The following PIK3CD variants were observed in gnomAD, a reference collection of about 807,000 sequenced individuals.
PIK3CD encodes phosphatidylinositol 4,5-bisphosphate 3-kinase catalytic subunit delta isoform.
In PIK3CD, 20 loss-of-function variants were observed where a neutral mutation model predicts 122.9. The ratio of observed to expected loss-of-function variants is 0.16; its 90% CI spans 0.11 to 0.24. The LOEUF (loss-of-function observed/expected upper bound fraction) is 0.24. PIK3CD is among the 10% of genes least tolerant of loss of function. PIK3CD has a pLI of 1.00. For synonymous variants in PIK3CD, 596 were observed against 593.4 expected, an observed-to-expected ratio of 1.00 and a Z score of -0.06; for missense variants, 787 against 1,406.3, an observed-to-expected ratio of 0.56 and a Z score of 7.04.
chr1:9,707,726 G>A (rs1646892647), intron 2 of PIK3CD, among the ~76,000 whole-genome samples: 2 of 151,540 alleles, frequency 1.3e-5, no homozygotes, highest in African/African-American at 4.9e-5. Context: ...ATGAAATATT[G>A]TGCAAGAGAT....
rs114598977 is a variant in PIK3CD at position 9,676,376 on chromosome 1, T to G, written c.-137-15091T>G. ...CGTGCCCAGCCTAGTTCCTTGCTCT[T>G]GAAGGTCCTTGTGTCTGATGGAGTT... is the stretch of plus-strand genomic sequence containing the variant. On this transcript the variant is annotated intron_variant, in intron 1 of 23. Transcript: ENST00000377346. 7.5e-3 allele frequency among the ~76,000 whole-genome samples: 1,141 copies of G among 152,328 alleles called. 13 individuals are homozygous for G. The highest frequency in any genetic ancestry group is 0.025 in the African/African-American group (1,049 of 41,582).
At chr1:9,630,707 AGTGTGT>A in the PIK3CD span, among the ~76,000 whole-genome samples, 34 of 147,670 alleles carry the variant, frequency 2.3e-4, no homozygotes, top group East Asian at 5.0e-4. Flanking sequence ...AAAGAAAGTG[AGTGTGT>A]GTGTGTGTGT....
intron 1 of PIK3CD, among the ~76,000 whole-genome samples, chr1:9,671,974 G>A (rs1224296436): frequency 6.6e-6 from 1 of 152,174 alleles, no homozygotes; most frequent in Admixed American, 6.6e-5. Context: ...TCACCTGTGA[G>A]GCTCACAAGG....
At chr1:9,691,067 G>A (rs1168580180) in intron 1 of PIK3CD, among the ~76,000 whole-genome samples, 1 of 152,196 alleles carries the variant, frequency 6.6e-6, no homozygotes, top group Admixed American at 6.6e-5. Flanking sequence ...AGATCCACAT[G>A]GGGAATAAAG....
rs1447473131 is a variant in PIK3CD at position 9,706,008 on chromosome 1, CATTTA to C, written c.-32-4404_-32-4400del. 4.8e-5 allele frequency among the ~76,000 whole-genome samples: 7 copies of C among 145,856 alleles called. No homozygotes were observed. The East Asian group carries it at 1.2e-3, about 25-fold the overall frequency. On this transcript the variant is annotated intron_variant, in intron 2 of 23. Coordinates refer to ENST00000377346, the MANE Select transcript of PIK3CD (RefSeq NM_005026.5). ...CAGTGTGAGGAATGGAATTTTAAAA[CATTTA>C]ATTTAATTTAAAATTGCTGTTGATT...
chr1:9,639,435 C>T, the PIK3CD span, among the ~76,000 whole-genome samples: 1 of 152,026 alleles, frequency 6.6e-6, no homozygotes, highest in African/African-American at 2.4e-5. Context: ...AGCTTTTACT[C>T]GTCTCTAAAC....
rs1174454207 is a variant in PIK3CD at position 9,722,809 on chromosome 1, G to T, written c.2426+203G>T. 6.6e-6 allele frequency among the ~76,000 whole-genome samples: 1 copy of T among 152,176 alleles called. No individual in the cohort carries two copies. Among genetic ancestry groups the T allele is most frequent in the Non-Finnish European group, 1.5e-5 (1 of 68,018 alleles). On this transcript the variant is annotated intron_variant, in intron 19 of 23. Coordinates refer to ENST00000377346, the MANE Select transcript of PIK3CD (RefSeq NM_005026.5). This position sits in a 1 kb window ranked among gnomAD's most constrained non-coding sequence, Gnocchi z 7.6. ...GAAGGCTGCTCCTGAGGCTTAGTGT[G>T]TACCCTGCTCTGTTGCTTTAGTTGC...
At chr1:9,666,231 T>TTTTTC in intron 1 of PIK3CD, among the ~76,000 whole-genome samples, 1 of 109,280 alleles carries the variant, frequency 9.2e-6, no homozygotes, top group South Asian at 3.6e-4. Context: ...CCCGGTCTTT[T>TTTTTC]TTTTTTTTTT....
intron 1 of PIK3CD, among the ~76,000 whole-genome samples, chr1:9,656,849 A>G (rs1298845096): frequency 1.3e-5 from 2 of 151,680 alleles, no homozygotes; most frequent in Non-Finnish European, 2.9e-5. Flanking sequence ...AGGCTGAGAC[A>G]GGAGAATTAC....
chr1:9,675,373 G>A (rs1645490555), intron 1 of PIK3CD, among the ~76,000 whole-genome samples: 2 of 127,160 alleles, frequency 1.6e-5, no homozygotes, highest in Admixed American at 8.7e-5. Flanking sequence ...GCCACAGAGC[G>A]AGACTCCGTC....
chr1:9,678,664 A>G (rs2101100959), intron 1 of PIK3CD, among the ~76,000 whole-genome samples: 1 of 152,162 alleles, frequency 6.6e-6, no homozygotes, highest in East Asian at 1.9e-4. Flanking sequence ...GTCGTATGAG[A>G]TTCTGACTCT....
In PIK3CD at chr1:9,718,453, C is replaced by T. The variant is rs1234492743; in HGVS notation, c.1021-241C>T. On this transcript the variant is annotated intron_variant, in intron 8 of 23. Coordinates refer to ENST00000377346, the MANE Select transcript of PIK3CD (RefSeq NM_005026.5). The surrounding 1 kb of genome is among the most constrained non-coding windows in gnomAD (Gnocchi z 7.2). ...CCTGGAGTGGGGAATGGACATGCCC[C>T]GAGGTCCCCAGAGTTGGGGTAGCTG... Among the ~76,000 whole-genome samples the T allele has an allele frequency of 1.3e-5, 2 of 152,036 alleles. No homozygotes were observed. The highest frequency in any genetic ancestry group is 6.5e-5 in the Admixed American group (1 of 15,268).
chr1:9,726,931 C>G lies in PIK3CD; in HGVS notation c.3020C>G (p.Thr1007Arg), dbSNP rs765139386. 2 of 1,613,878 alleles carry G rather than the reference C, an allele frequency of 1.2e-6. No homozygotes were observed. Among genetic ancestry groups the G allele is most frequent in the Non-Finnish European group, 1.7e-6 (2 of 1,179,870 alleles). Residue 1007 changes from threonine (T) to arginine (R), a missense_variant, in exon 24 of 24, where the codon ACA (threonine) becomes AGA (arginine). Coordinates refer to ENST00000377346, the MANE Select transcript of PIK3CD (RefSeq NM_005026.5). ...YLKDSLALGK[T>R]EEEALKHFRV... The stretch of plus-strand genomic sequence containing the variant: ...CAGGACTCCCTGGCACTGGGGAAAA[C>G]AGAGGAGGAGGCACTGAAGCACTTC...
intron 1 of PIK3CD, among the ~76,000 whole-genome samples, chr1:9,679,959 G>T (rs1645687374): frequency 1.3e-5 from 2 of 151,748 alleles, no homozygotes; most frequent in Non-Finnish European, 2.9e-5. Flanking sequence ...CGAGTAGCTG[G>T]GATTACAGGC....
intron 1 of PIK3CD, among the ~76,000 whole-genome samples, chr1:9,675,284 G>GCTGAGGCAGGAGAATGGCGTGAAC (rs1645484927): frequency 2.0e-5 from 3 of 149,960 alleles, no homozygotes; most frequent in Non-Finnish European, 4.4e-5. Flanking sequence ...TACTCGGGAG[G>GCTGAGGCAGGAGAATGGCGTGAAC]CTGAGGCAGG....
chr1:9,699,995 G>A (rs548708723), intron 2 of PIK3CD, among the ~76,000 whole-genome samples: 7 of 152,270 alleles, frequency 4.6e-5, no homozygotes, highest in Admixed American at 3.3e-4. Context: ...GATCTCACCC[G>A]AGGACCCTTC....
chr1:9,695,941 G>A (rs1472115972), intron 2 of PIK3CD, among the ~76,000 whole-genome samples: 2 of 150,600 alleles, frequency 1.3e-5, no homozygotes, highest in Non-Finnish European at 3.0e-5. Context: ...AATTAATTCT[G>A]TAATTGTCAT....
chr1:9,639,301 C>T, the PIK3CD span, among the ~76,000 whole-genome samples: 4 of 151,950 alleles, frequency 2.6e-5, no homozygotes, highest in Admixed American at 1.3e-4. Flanking sequence ...GGCTAACTAC[C>T]GAGAGTGGGT....
intron 1 of PIK3CD, among the ~76,000 whole-genome samples, chr1:9,683,505 G>A (rs1645851150): frequency 6.6e-6 from 1 of 152,014 alleles, no homozygotes; most frequent in Admixed American, 6.6e-5. Flanking sequence ...ATAGCAGTGG[G>A]ACAACTTGGT....
Sources: allele counts gnomAD v4.1 joint callset (sites outside exome capture counted in the v4.1 genomes callset), GRCh38; gene constraint gnomAD v4.1.1; non-coding constraint Gnocchi (gnomAD v3.1); transcripts MANE v1.5; gene names NCBI Gene and HGNC (gene_info 2026-07-23, HGNC 2026-07-21).